Variants in SH3PXD2A observed in about 807,000 individuals in gnomAD.
SH3PXD2A encodes the protein SH3 and PX domain-containing protein 2A.
In SH3PXD2A, 32 loss-of-function variants were observed where a neutral mutation model predicts 115.2. The ratio of observed to expected loss-of-function variants is 0.28; its 90% CI spans 0.21 to 0.37. SH3PXD2A has a LOEUF of 0.37. SH3PXD2A is among the 10% of genes least tolerant of loss of function. SH3PXD2A has a pLI of 1.00. For synonymous variants in SH3PXD2A, 610 were observed against 629.1 expected, an observed-to-expected ratio of 0.97 and a Z score of 0.45; for missense variants, 1,328 against 1,498.7, an observed-to-expected ratio of 0.89 and a Z score of 1.88.
chr10:103,597,051 T>G lies in SH3PXD2A; in HGVS notation c.*4765A>C, dbSNP rs924398671. 2.0e-5 allele frequency: 3 copies of G among 152,580 alleles called. No individual in the cohort carries two copies. Among genetic ancestry groups the G allele is most frequent in the Non-Finnish European group, 4.4e-5 (3 of 68,044 alleles). 9.5% of individuals were successfully genotyped at this position (152,580 alleles called of 1,614,324 possible). A position where few individuals can be genotyped will look rare whatever the true frequency, so the allele number is the denominator to read the frequency against. On this transcript the variant is annotated 3_prime_UTR_variant, in exon 15 of 15. Coordinates refer to ENST00000369774, the MANE Select transcript of SH3PXD2A (RefSeq NM_001394015.1). ...AAGGAGGCCAGATTGGTACCTGTTG[T>G]GGGAAGTTTTGTCTGCAGAGAAACT...
At chr10:103,654,975 T>TCGG (rs1554907366) in intron 8 of SH3PXD2A, among the ~76,000 whole-genome samples, 1 of 151,932 alleles carries the variant, frequency 6.6e-6, no homozygotes, top group African/African-American at 2.4e-5. Flanking sequence ...GGCCCAAGAC[T>TCGG]GGGCTAGCAT....
In SH3PXD2A at chr10:103,605,906, C is replaced by T. The variant is rs1338718687; in HGVS notation, c.1320G>A (p.Leu440=). The T allele has an allele frequency of 6.2e-7, 1 of 1,614,020 alleles. No individual in the cohort carries two copies. The highest frequency in any genetic ancestry group is 8.5e-7 in the Non-Finnish European group (1 of 1,179,946). The part of the protein sequence containing the change: ...PRRESSLGFQ[L]PKPPEPPSVE... The stretch of plus-strand genomic sequence containing the variant: ...CAGAAGGGGGCTCTGGTGGCTTTGG[C>T]AGTTGGAACCCCTAAGGTTAAGGAA... Residue 440 remains leucine (L), a synonymous_variant, in exon 14 of 15, where the codon CTG becomes CTA. Coordinates refer to ENST00000369774, the MANE Select transcript of SH3PXD2A (RefSeq NM_001394015.1).
intron 6 of SH3PXD2A, among the ~76,000 whole-genome samples, chr10:103,678,792 T>C (rs1026038860): frequency 1.3e-5 from 2 of 152,174 alleles, no homozygotes; most frequent in Non-Finnish European, 2.9e-5. Flanking sequence ...GGAGTCAAGA[T>C]TCATGGCCTC....
chr10:103,619,929 C>A (rs939071289), intron 10 of SH3PXD2A, among the ~76,000 whole-genome samples: 4 of 152,192 alleles, frequency 2.6e-5, no homozygotes, highest in Admixed American at 2.6e-4. Context: ...CAGACCAGGC[C>A]GTCCCAGCTC....
chr10:103,650,095 G>T (rs978187915), intron 8 of SH3PXD2A, among the ~76,000 whole-genome samples: 1 of 152,202 alleles, frequency 6.6e-6, no homozygotes, highest in Non-Finnish European at 1.5e-5. Flanking sequence ...GCACAGGGAT[G>T]GGGAGGTGCC....
chr10:103,687,755 G>T (rs893639840), intron 6 of SH3PXD2A, among the ~76,000 whole-genome samples: 2 of 152,148 alleles, frequency 1.3e-5, no homozygotes, highest in Admixed American at 1.3e-4. Flanking sequence ...AGAATGTCCT[G>T]CAAGGCCCTA....
chr10:103,766,127 G>A (rs1290158837), intron 3 of SH3PXD2A, among the ~76,000 whole-genome samples: 1 of 152,222 alleles, frequency 6.6e-6, no homozygotes, highest in Non-Finnish European at 1.5e-5. Context: ...TGAGGGAGGT[G>A]CCCCTACATC....
chr10:103,773,138 C>A (rs1382504204), intron 2 of SH3PXD2A, among the ~76,000 whole-genome samples: 1 of 150,822 alleles, frequency 6.6e-6, no homozygotes, highest in Non-Finnish European at 1.5e-5. Flanking sequence ...GCAGGTGAAT[C>A]GCTTGAGCCT....
At chr10:103,799,545 T>C (rs537362861) in intron 2 of SH3PXD2A, among the ~76,000 whole-genome samples, 5 of 152,326 alleles carry the variant, frequency 3.3e-5, no homozygotes, top group Admixed American at 2.6e-4. Flanking sequence ...GAATGAGCCC[T>C]CCAGGCAAGG....
At chr10:103,838,195 C>T (rs2039564231) in intron 1 of SH3PXD2A, among the ~76,000 whole-genome samples, 1 of 152,216 alleles carries the variant, frequency 6.6e-6, no homozygotes, top group Admixed American at 6.5e-5. Context: ...ATGTGGCCCT[C>T]TCAAGGGCTC....
intron 3 of SH3PXD2A, among the ~76,000 whole-genome samples, chr10:103,759,301 T>C (rs900823823): frequency 3.9e-5 from 6 of 152,184 alleles, no homozygotes; most frequent in Admixed American, 6.5e-5. Context: ...ACTAAAAATA[T>C]ACCTCTAAGC....
chr10:103,629,102 AG>A (rs1259513949), intron 8 of SH3PXD2A, among the ~76,000 whole-genome samples: 3 of 152,226 alleles, frequency 2.0e-5, no homozygotes, highest in African/African-American at 7.2e-5. Context: ...ACCAATTCTC[AG>A]GTAAACTCTC....
chr10:103,848,170 G>A (rs1842865775), intron 1 of SH3PXD2A, among the ~76,000 whole-genome samples: 1 of 150,712 alleles, frequency 6.6e-6, no homozygotes, highest in South Asian at 2.1e-4. Context: ...AGCTAGTTAA[G>A]ACCCAAAGCA....
chr10:103,721,974 C>G (rs1486948887), intron 5 of SH3PXD2A, among the ~76,000 whole-genome samples: 1 of 151,958 alleles, frequency 6.6e-6, no homozygotes, highest in Non-Finnish European at 1.5e-5. Context: ...TAGCTGTGAG[C>G]TCCTGTTTTG....
chr10:103,659,972 G>C (rs142184513), intron 8 of SH3PXD2A, among the ~76,000 whole-genome samples: 4 of 152,134 alleles, frequency 2.6e-5, no homozygotes, highest in Admixed American at 6.5e-5. Flanking sequence ...CTGTCTCTAC[G>C]GAGCAGGCAC....
At chr10:103,698,479 T>C (rs1313073856) in intron 5 of SH3PXD2A, among the ~76,000 whole-genome samples, 1 of 152,156 alleles carries the variant, frequency 6.6e-6, no homozygotes, top group Non-Finnish European at 1.5e-5. Context: ...TGGGAACTGC[T>C]CAAGAGGCCG....
At chr10:103,633,874 C>G (rs1295819117) in intron 8 of SH3PXD2A, among the ~76,000 whole-genome samples, 2 of 152,150 alleles carry the variant, frequency 1.3e-5, no homozygotes, top group Non-Finnish European at 2.9e-5. Context: ...GGTCCAGCCA[C>G]CATAGAAGCT....
At chr10:103,792,420 C>T (rs2039044528) in intron 2 of SH3PXD2A, among the ~76,000 whole-genome samples, 1 of 152,144 alleles carries the variant, frequency 6.6e-6, no homozygotes, top group Non-Finnish European at 1.5e-5. Context: ...TGGAGTGGGG[C>T]TCTCTGGCTT....
At position 103,627,397 on chromosome 10, in the gene SH3PXD2A, C is replaced by T. The variant is rs906004328; in HGVS notation, c.605-195G>A. Among the ~76,000 whole-genome samples the T allele has an allele frequency of 2.0e-5, 3 of 152,230 alleles. No homozygotes were observed. Among genetic ancestry groups the T allele is most frequent in the African/African-American group, 7.2e-5 (3 of 41,452 alleles). On this transcript the variant is annotated intron_variant, in intron 8 of 14. Coordinates refer to ENST00000369774, the MANE Select transcript of SH3PXD2A (RefSeq NM_001394015.1). The surrounding 1 kb of genome is among the most constrained non-coding windows in gnomAD (Gnocchi z 4.4). Reference sequence around the variant, plus strand: ...TCTGTTCTAAGGCAGAAACGACCAGCACACTTCCCGAGAAGTGGGACCAAT... The same window carrying T: ...TCTGTTCTAAGGCAGAAACGACCAGTACACTTCCCGAGAAGTGGGACCAAT...
Sources: gnomAD v4.1 joint callset for allele counts (sites outside exome capture counted in the v4.1 genomes callset) on GRCh38, gnomAD v4.1.1 for gene constraint, Gnocchi (gnomAD v3.1) non-coding constraint, MANE v1.5 for transcripts, NCBI Gene and HGNC (gene_info 2026-07-23, HGNC 2026-07-21) for gene names.